HEMK2: variants seen among roughly 807,000 people sequenced by gnomAD.
HEMK2 encodes methyltransferase HEMK2.
At chr21:28,739,249 AAGAACACAG>A in the HEMK2 span, among the ~76,000 whole-genome samples, 1 of 152,226 alleles carries the variant, frequency 6.6e-6, no homozygotes, top group East Asian at 1.9e-4. Flanking sequence ...GGCACAGATC[AAGAACACAG>A]GTCTTTCTCT....
chr21:28,864,349 C>G, the HEMK2 span, among the ~76,000 whole-genome samples: 1 of 152,168 alleles, frequency 6.6e-6, no homozygotes, highest in Admixed American at 6.5e-5. Flanking sequence ...AAGATTTCTA[C>G]AGCTTCAAAT....
the HEMK2 span, among the ~76,000 whole-genome samples, chr21:28,722,085 G>C: frequency 6.6e-6 from 1 of 151,770 alleles, no homozygotes; most frequent in African/African-American, 2.4e-5. Context: ...CAAAAGTTTT[G>C]CAAGGTTTTG....
At chr21:28,704,430 T>C in the HEMK2 span, among the ~76,000 whole-genome samples, 2 of 152,110 alleles carry the variant, frequency 1.3e-5, no homozygotes, top group African/African-American at 4.8e-5. Context: ...AAAATTTATA[T>C]TGGATCTGGG....
the HEMK2 span, among the ~76,000 whole-genome samples, chr21:28,857,518 G>A: frequency 6.6e-6 from 1 of 152,026 alleles, no homozygotes; most frequent in Non-Finnish European, 1.5e-5. Flanking sequence ...TGTCTCTCAT[G>A]ATAGTTTTAT....
chr21:28,650,856 G>A, the HEMK2 span, among the ~76,000 whole-genome samples: 1 of 152,136 alleles, frequency 6.6e-6, no homozygotes, highest in Non-Finnish European at 1.5e-5. Flanking sequence ...CTGAGAAGAG[G>A]CTATGAAAGA....
At chr21:28,824,048 A>C in the HEMK2 span, among the ~76,000 whole-genome samples, 10 of 152,162 alleles carry the variant, frequency 6.6e-5, no homozygotes, top group African/African-American at 2.4e-4. Context: ...CTTATGAGTA[A>C]TGTTTGAGAA....
the HEMK2 span, among the ~76,000 whole-genome samples, chr21:28,587,315 T>C: frequency 6.6e-6 from 1 of 152,204 alleles, no homozygotes; most frequent in Non-Finnish European, 1.5e-5. Flanking sequence ...TTGTATTAAA[T>C]TGATTTTTTA....
At chr21:28,848,982 C>T in the HEMK2 span, among the ~76,000 whole-genome samples, 1 of 152,206 alleles carries the variant, frequency 6.6e-6, no homozygotes, top group Admixed American at 6.5e-5. Context: ...GCCAGTACCC[C>T]ACCCCAGCTG....
At chr21:28,781,186 C>A in the HEMK2 span, among the ~76,000 whole-genome samples, 1 of 152,128 alleles carries the variant, frequency 6.6e-6, no homozygotes, top group Non-Finnish European at 1.5e-5. Flanking sequence ...CTCATAAAAT[C>A]AAATCTAAAA....
the HEMK2 span, among the ~76,000 whole-genome samples, chr21:28,796,834 T>C: frequency 6.6e-6 from 1 of 152,186 alleles, no homozygotes; most frequent in East Asian, 1.9e-4. Flanking sequence ...CCTCCCAAAG[T>C]GCTGGGATTA....
At chr21:28,675,407 A>G in the HEMK2 span, among the ~76,000 whole-genome samples, 3 of 152,214 alleles carry the variant, frequency 2.0e-5, no homozygotes, top group African/African-American at 7.2e-5. Context: ...CTATTTTGAA[A>G]ACTCGTGATC....
the HEMK2 span, among the ~76,000 whole-genome samples, chr21:28,831,522 AGAAGGAAAGAAGGAAAGAAG>A: frequency 2.3e-4 from 12 of 51,696 alleles, no homozygotes; most frequent in East Asian, 6.5e-4. Context: ...AAAGAAAGAA[AGAAGGAAAGAAGGAAAGAAG>A]GAAAGAAGGA....
the HEMK2 span, among the ~76,000 whole-genome samples, chr21:28,877,988 CT>C: frequency 6.6e-6 from 1 of 152,172 alleles, no homozygotes; most frequent in South Asian, 2.1e-4. Flanking sequence ...GAAGATAATA[CT>C]TTTTAAAATC....
the HEMK2 span, among the ~76,000 whole-genome samples, chr21:28,629,000 T>C: frequency 6.6e-6 from 1 of 152,206 alleles, no homozygotes; most frequent in South Asian, 2.1e-4. Flanking sequence ...AAGAATCACC[T>C]GCTCGCACCC....
chr21:28,791,437 G>C, the HEMK2 span, among the ~76,000 whole-genome samples: 1 of 152,208 alleles, frequency 6.6e-6, no homozygotes, highest in South Asian at 2.1e-4. Context: ...ACTGGGAGGT[G>C]AATAAAGTGG....
At chr21:28,780,056 T>C in the HEMK2 span, among the ~76,000 whole-genome samples, 2 of 152,176 alleles carry the variant, frequency 1.3e-5, no homozygotes, top group Non-Finnish European at 1.5e-5. Flanking sequence ...AGAGTCTCAT[T>C]GACCAACAAA....
the HEMK2 span, among the ~76,000 whole-genome samples, chr21:28,628,178 T>C: frequency 6.6e-6 from 1 of 152,196 alleles, no homozygotes; most frequent in East Asian, 1.9e-4. Flanking sequence ...AGCATATGTA[T>C]CTACACAGAT....
At chr21:28,738,898 G>A in the HEMK2 span, among the ~76,000 whole-genome samples, 7 of 152,128 alleles carry the variant, frequency 4.6e-5, no homozygotes, top group African/African-American at 1.7e-4. Flanking sequence ...GGTGTCCGTG[G>A]GCAGCTTAAT....
the HEMK2 span, among the ~76,000 whole-genome samples, chr21:28,763,595 G>A: frequency 0.093 from 14,101 of 152,068 alleles, 1,554 homozygotes; most frequent in African/African-American, 0.26. Context: ...TATCACACGT[G>A]AACATTCTCA....
Sources: allele counts gnomAD v4.1 joint callset (sites outside exome capture counted in the v4.1 genomes callset), GRCh38; gene constraint gnomAD v4.1.1; transcripts MANE v1.5; gene names NCBI Gene and HGNC (gene_info 2026-07-23, HGNC 2026-07-21).